BCAT1: variants seen among roughly 807,000 people sequenced by gnomAD.
The protein encoded by BCAT1 is branched-chain-amino-acid aminotransferase, cytosolic.
Under a neutral mutation model 52.4 loss-of-function variants are expected in BCAT1, and 48 were observed. The ratio of observed to expected loss-of-function variants is 0.92; its 90% CI spans 0.73 to 1.16. The LOEUF (loss-of-function observed/expected upper bound fraction) is 1.16. Among genes scored for constraint, BCAT1 ranks in the 50% most tolerant of loss-of-function variants. The pLI, the probability that BCAT1 is intolerant of heterozygous loss-of-function variation, is 0.00. For missense variants in BCAT1, 451 were observed against 457.1 expected (o/e 0.99, Z 0.12); for synonymous variants, 167 against 161.3 (o/e 1.04, Z -0.27).
intron 3 of BCAT1, among the ~76,000 whole-genome samples, chr12:24,884,141 T>G (rs548551559): frequency 1.7e-4 from 26 of 152,350 alleles, no homozygotes; most frequent in Admixed American, 1.4e-3. Context: ...AAATGTGGTA[T>G]GTATACATGA....
intron 1 of BCAT1, among the ~76,000 whole-genome samples, chr12:24,931,080 T>C (rs974866626): frequency 6.6e-6 from 1 of 151,904 alleles, no homozygotes; most frequent in Non-Finnish European, 1.5e-5. Flanking sequence ...GTTTTTGTAT[T>C]TTTAGTAGAG....
upstream of BCAT1, chr12:24,949,236 C>A (rs2139777429): frequency 2.0e-6 from 1 of 490,812 alleles, no homozygotes; most frequent in East Asian, 3.5e-5. Context: ...AGCGCCCAGA[C>A]CCGAGCCTCA....
intron 5 of BCAT1, among the ~76,000 whole-genome samples, chr12:24,878,171 CA>C (rs893799590): frequency 7.0e-4 from 97 of 138,760 alleles, no homozygotes; most frequent in Admixed American, 9.4e-4. Context: ...AGAGAGACCT[CA>C]AAAAAAAAAA....
chr12:24,902,860 G>A, intron 1 of BCAT1: 2 of 1,491,966 alleles, frequency 1.3e-6, no homozygotes, highest in Non-Finnish European at 1.8e-6. Context: ...GCAGGAAACG[G>A]CGACAAGGCG....
chr12:24,892,754 G>C (rs1231874919), intron 3 of BCAT1, among the ~76,000 whole-genome samples: 3 of 152,036 alleles, frequency 2.0e-5, no homozygotes, highest in Non-Finnish European at 4.4e-5. Context: ...TCAGGAGGCT[G>C]AGGTACGAGG....
Position 24,829,809 on chromosome 12 carries a change from A to C in BCAT1, c.1119+14T>G. The C allele has an allele frequency of 6.3e-7, 1 of 1,587,024 alleles. No individual in the cohort carries two copies. Among genetic ancestry groups the C allele is most frequent in the Non-Finnish European group, 8.6e-7 (1 of 1,166,422 alleles). On this transcript the variant is annotated intron_variant, in intron 10 of 10. Transcript: ENST00000261192. ...AAGAAAAGGAAAGAAAAGAAAAGAA[A>C]AGAAAAGCTTTACCTGGATATCAGT...
chr12:24,847,325 C>G (rs1277812834), intron 6 of BCAT1, among the ~76,000 whole-genome samples: 1 of 152,296 alleles, frequency 6.6e-6, no homozygotes, highest in East Asian at 1.9e-4. Context: ...TGCCTCACAC[C>G]AGAGTGGTAC....
chr12:24,885,197 G>A (rs888151047), intron 3 of BCAT1, among the ~76,000 whole-genome samples: 4 of 152,164 alleles, frequency 2.6e-5, no homozygotes, highest in African/African-American at 9.7e-5. Context: ...AAATCTGACA[G>A]ATAATATTTT....
chr12:24,834,194 C>A, intron 8 of BCAT1: 2 of 977,746 alleles, frequency 2.0e-6, no homozygotes, highest in Non-Finnish European at 2.4e-6. Flanking sequence ...TATTTTTAAA[C>A]GTTGAATGTA....
intron 1 of BCAT1, among the ~76,000 whole-genome samples, chr12:24,917,417 C>A (rs1445132269): frequency 6.6e-6 from 1 of 152,002 alleles, no homozygotes; most frequent in Admixed American, 6.6e-5. Flanking sequence ...CTCCTGACCT[C>A]GTGATCCGCC....
At chr12:24,922,606 C>A (rs1035663944) in intron 1 of BCAT1, among the ~76,000 whole-genome samples, 6 of 152,150 alleles carry the variant, frequency 3.9e-5, no homozygotes, top group Admixed American at 3.3e-4. Context: ...GGCACAGTGG[C>A]CCAGGCCTAT....
chr12:24,936,756 C>T (rs898989022), intron 1 of BCAT1, among the ~76,000 whole-genome samples: 2 of 151,738 alleles, frequency 1.3e-5, no homozygotes, highest in Non-Finnish European at 2.9e-5. Context: ...CACACACATA[C>T]ACACACACCC....
intron 1 of BCAT1, among the ~76,000 whole-genome samples, chr12:24,926,875 T>C (rs1364287489): frequency 1.3e-5 from 2 of 152,068 alleles, no homozygotes; most frequent in Non-Finnish European, 2.9e-5. Context: ...TTCACTCGTT[T>C]ATCTGCTGAC....
chr12:24,865,614 T>C (rs900114280), intron 5 of BCAT1, among the ~76,000 whole-genome samples: 2 of 152,054 alleles, frequency 1.3e-5, no homozygotes, highest in Admixed American at 1.3e-4. Context: ...TGGCTGTGTG[T>C]GTGTATGTAT....
At chr12:24,859,346 C>T (rs954612831) in intron 5 of BCAT1, among the ~76,000 whole-genome samples, 7 of 152,136 alleles carry the variant, frequency 4.6e-5, no homozygotes, top group South Asian at 2.1e-4. Flanking sequence ...GCTTGCTGGG[C>T]GCAGTGGCTC....
intron 5 of BCAT1, among the ~76,000 whole-genome samples, chr12:24,855,853 C>T (rs185671767): frequency 6.6e-6 from 1 of 151,560 alleles, no homozygotes; most frequent in African/African-American, 2.4e-5. Context: ...GTCTTGAAAT[C>T]CTGGCCTCAA....
In BCAT1 at chr12:24,894,495, A is replaced by G. The variant is rs920361107; in HGVS notation, c.79-20T>C. 21 of 1,557,626 alleles carry G rather than the reference A, an allele frequency of 1.3e-5. No homozygotes were observed. In the Admixed American group the frequency reaches 1.9e-4, roughly 14 times the overall value. Reference sequence around the variant, plus strand: ...TTTAGCCTGGGGAAGAAAAATCATCACTATTTACAGAAAAGCTACTGAGCA... The same window carrying G: ...TTTAGCCTGGGGAAGAAAAATCATCGCTATTTACAGAAAAGCTACTGAGCA... On this transcript the variant is annotated intron_variant, in intron 2 of 10. Transcript: ENST00000261192.
chr12:24,829,917 G>A lies in BCAT1; in HGVS notation c.1045-20C>T. 6.4e-7 allele frequency: 1 copy of A among 1,559,456 alleles called. No individual in the cohort carries two copies. Among genetic ancestry groups the A allele is most frequent in the Non-Finnish European group, 8.8e-7 (1 of 1,139,080 alleles). Reference sequence around the variant, plus strand: ...TATTGTCTACAAAAGAAAGGGAAATGAGATAATTTGAGGGTACTCATGTAT... The same window carrying A: ...TATTGTCTACAAAAGAAAGGGAAATAAGATAATTTGAGGGTACTCATGTAT... On this transcript the variant is annotated intron_variant, in intron 9 of 10. Coordinates refer to ENST00000261192, the MANE Select transcript of BCAT1 (RefSeq NM_005504.7).
At chr12:24,819,320 T>A (rs1940015497) in intron 10 of BCAT1, among the ~76,000 whole-genome samples, 1 of 152,204 alleles carries the variant, frequency 6.6e-6, no homozygotes, top group African/African-American at 2.4e-5. Context: ...GCTCTTCTAG[T>A]CCTAATTTAA....
Sources: allele counts gnomAD v4.1 joint callset (sites outside exome capture counted in the v4.1 genomes callset), GRCh38; gene constraint gnomAD v4.1.1; transcripts MANE v1.5; gene names NCBI Gene and HGNC (gene_info 2026-07-23, HGNC 2026-07-21).